The following CFAP43 variants were observed in gnomAD, a reference collection of about 807,000 sequenced individuals.
The protein encoded by CFAP43 is cilia and flagella associated protein 43.
In CFAP43, 155 loss-of-function variants were observed where a neutral mutation model predicts 218.9. The ratio of observed to expected loss-of-function variants is 0.71; its 90% confidence interval spans 0.62 to 0.81. The LOEUF is 0.81. Among genes scored for constraint, CFAP43 ranks in the 30% least tolerant of loss-of-function variants. The pLI, the probability that CFAP43 is intolerant of heterozygous loss-of-function variation, is 0.00. For missense variants in CFAP43, 1,778 were observed against 1,954.3 expected (o/e 0.91, Z 1.70); for synonymous variants, 645 against 681.3 (o/e 0.95, Z 0.83).
intron 25 of CFAP43, 53 bp downstream of exon 25, chr10:104,162,264 G>T: frequency 6.6e-7 from 1 of 1,523,596 alleles, no homozygotes; most frequent in Non-Finnish European, 9.1e-7. Flanking sequence ...CTAGGAAGCA[G>T]TATCCCTAAA....
At chr10:104,146,714 A>C (rs2087992302) in intron 29 of CFAP43, among the ~76,000 whole-genome samples, 1 of 152,198 alleles carries the variant, frequency 6.6e-6, no homozygotes, top group Non-Finnish European at 1.5e-5. Flanking sequence ...ATGTAACAAC[A>C]GAATTCTGAC....
At chr10:104,154,110 T>G (rs932983279) in intron 27 of CFAP43, among the ~76,000 whole-genome samples, 4 of 152,216 alleles carry the variant, frequency 2.6e-5, no homozygotes, top group African/African-American at 9.7e-5. Context: ...ATTGTAAAGT[T>G]AGTTTTTCCA....
At chr10:104,169,037 G>A (rs189086903) in intron 20 of CFAP43, among the ~76,000 whole-genome samples, 189 bp from the exon 21 acceptor site, 131 of 152,268 alleles carry the variant, frequency 8.6e-4, no homozygotes, top group Non-Finnish European at 1.6e-3. Flanking sequence ...CTTTGAGAAC[G>A]TCTCCTGAAG....
At chr10:104,214,644 T>C (rs1374732794) in intron 3 of CFAP43, among the ~76,000 whole-genome samples, 1 of 152,216 alleles carries the variant, frequency 6.6e-6, no homozygotes, top group East Asian at 1.9e-4. Context: ...TATACTGTCA[T>C]ATGCTATACC....
chr10:104,224,408 A>C (rs1401526364), intron 3 of CFAP43, among the ~76,000 whole-genome samples: 1 of 152,030 alleles, frequency 6.6e-6, no homozygotes, highest in East Asian at 1.9e-4. Context: ...TTATCAAAGT[A>C]TTTACCTTAT....
rs369781029 is a variant in CFAP43, at chr10:104,197,541, C to G, written c.1212+381G>C. Among the ~76,000 whole-genome samples, 124 of 152,310 alleles carry G rather than the reference C, an allele frequency of 8.1e-4. 2 individuals carry two copies. In the South Asian group the frequency reaches 0.024, roughly 30 times the overall value. ...GCTGCATTACCTGGAAAAAAAGATA[C>G]TAAATAAATACTAACAGTTTACTTA... On this transcript the variant is annotated intron_variant, in intron 9 of 37. Coordinates refer to ENST00000357060, the MANE Select transcript of CFAP43 (RefSeq NM_025145.7).
chr10:104,172,926 G>A (rs1047232846), intron 19 of CFAP43, among the ~76,000 whole-genome samples: 1 of 152,090 alleles, frequency 6.6e-6, no homozygotes, highest in South Asian at 2.1e-4. Context: ...AATCAGGGGA[G>A]GGGTAATGGA....
intron 29 of CFAP43, among the ~76,000 whole-genome samples, chr10:104,146,665 T>C (rs2087989906): frequency 6.6e-6 from 1 of 152,154 alleles, no homozygotes. Context: ...ACCTGGGTTC[T>C]GAGAGACTGG....
At chr10:104,157,767 TGTGTGTGTGAGAGAGAGAGA>T (rs1251162400) in intron 27 of CFAP43, among the ~76,000 whole-genome samples, 3 of 118,690 alleles carry the variant, frequency 2.5e-5, no homozygotes, top group Non-Finnish European at 5.2e-5. Context: ...TGTGTGTGTG[TGTGTGTGTGAGAGAGAGAGA>T]GAGAGAGAGA....
At chr10:104,149,720 TTA>T (rs1457682430) in intron 28 of CFAP43, among the ~76,000 whole-genome samples, 2 of 152,206 alleles carry the variant, frequency 1.3e-5, no homozygotes, top group African/African-American at 2.4e-5. Flanking sequence ...CCTCATTATC[TTA>T]TATGACATGA....
At chr10:104,185,274 T>C in intron 15 of CFAP43, 128 bp from the exon 16 acceptor site, 2 of 1,239,444 alleles carry the variant, frequency 1.6e-6, no homozygotes, top group Admixed American at 2.2e-5. Context: ...TTTTAATTGG[T>C]ATGGAAGTAG....
chr10:104,203,650 A>G, intron 8 of CFAP43, 22 bp downstream of exon 8: 2 of 1,585,380 alleles, frequency 1.3e-6, no homozygotes, highest in Non-Finnish European at 1.7e-6. Context: ...ATCACATATC[A>G]AGAAATTACC....
chr10:104,196,064 T>A (rs1217032926), intron 10 of CFAP43, among the ~76,000 whole-genome samples: 1 of 152,218 alleles, frequency 6.6e-6, no homozygotes, highest in Non-Finnish European at 1.5e-5. Context: ...TTGTTCTTCC[T>A]CCTCCTACAG....
intron 17 of CFAP43, 75 bp from the exon 18 acceptor site, chr10:104,180,007 C>A (rs868485969): frequency 4.6e-6 from 5 of 1,076,094 alleles, no homozygotes; most frequent in Non-Finnish European, 7.0e-6. Flanking sequence ...CACCCTACCA[C>A]ATGTAACTGC....
At chr10:104,148,637 T>C (rs1372451013) in intron 28 of CFAP43, among the ~76,000 whole-genome samples, 1 of 152,174 alleles carries the variant, frequency 6.6e-6, no homozygotes, top group Non-Finnish European at 1.5e-5. Flanking sequence ...CTGCACCCTC[T>C]CTTGCCTCCT....
At chr10:104,178,007 C>T (rs774663679) in intron 19 of CFAP43, among the ~76,000 whole-genome samples, 3 of 152,188 alleles carry the variant, frequency 2.0e-5, no homozygotes, top group Non-Finnish European at 2.9e-5. Flanking sequence ...CAGTGGATTC[C>T]ACTTGGATGG....
Position 104,142,299 on chromosome 10 carries a change from A to G in CFAP43, c.4253T>C (p.Val1418Ala), listed in dbSNP as rs778478032. ...EEKVQQEIER[V>A]FHELILLQEE... The stretch of plus-strand genomic sequence containing the variant: ...AAATTACAGGATGAGTTCATGGAAC[A>G]CTCTCTCAATCTCCTGTTGCACCTT... The change falls in exon 33 of 38, where the codon GTG (valine) becomes GCG (alanine). Residue 1418 changes from valine to alanine, a missense_variant. Physicochemically the swap from Val to Ala is moderately conservative, Grantham distance 64. This residue lies in a region of CFAP43 where 1,553 missense variants were observed against 1,685.2 expected (regional missense o/e 0.92). Transcript: ENST00000357060. 6.2e-7 allele frequency: 1 copy of G among 1,612,884 alleles called. No individual in the cohort carries two copies. Among genetic ancestry groups the G allele is most frequent in the Non-Finnish European group, 8.5e-7 (1 of 1,179,498 alleles).
chr10:104,185,506 A>G (rs1238487652), intron 15 of CFAP43, among the ~76,000 whole-genome samples: 2 of 152,068 alleles, frequency 1.3e-5, no homozygotes, highest in Non-Finnish European at 2.9e-5. Context: ...TGGCTTCAAG[A>G]GTCAGGGAGG....
chr10:104,146,373 G>A, intron 29 of CFAP43, 24 bp from the exon 30 acceptor site: 1 of 1,588,874 alleles, frequency 6.3e-7, no homozygotes, highest in Non-Finnish European at 8.6e-7. Context: ...AGGAATAGTT[G>A]ATTGAAACTG....
Sources: allele counts gnomAD v4.1 joint callset (sites outside exome capture counted in the v4.1 genomes callset), GRCh38; gene constraint gnomAD v4.1.1; regional missense constraint gnomAD v4.1.1; transcripts MANE v1.5; gene names NCBI Gene and HGNC (gene_info 2026-07-23, HGNC 2026-07-21).